Variants in DAB1 observed in about 807,000 individuals in gnomAD.
DAB1 encodes disabled homolog 1.
Under a neutral mutation model 64.6 loss-of-function variants are expected in DAB1, and 15 were observed. The observed-to-expected ratio is 0.23, with a 90% CI of 0.16 to 0.36. DAB1 has a LOEUF of 0.36. Among genes scored for constraint, DAB1 ranks in the 10% least tolerant of loss-of-function variants. The pLI is 1.00. For missense variants in DAB1, 596 were observed against 706.7 expected (o/e 0.84, Z 1.78); for synonymous variants, 235 against 251.9 (o/e 0.93, Z 0.64).
chr1:57,411,184 A>G (rs1684079658), intron 1 of DAB1, among the ~76,000 whole-genome samples: 1 of 152,218 alleles, frequency 6.6e-6, no homozygotes, highest in African/African-American at 2.4e-5. Context: ...GCTTCCTCAC[A>G]TAGTCAAAAA....
At chr1:58,172,530 T>C (rs930701859) in intron 4 of DAB1, among the ~76,000 whole-genome samples, 1 of 152,176 alleles carries the variant, frequency 6.6e-6, no homozygotes, top group East Asian at 1.9e-4. Flanking sequence ...CAAATACGTA[T>C]GTGTGTAGCC....
chr1:58,496,014 C>G (rs888712412), intron 3 of DAB1, among the ~76,000 whole-genome samples: 37 of 152,182 alleles, frequency 2.4e-4, no homozygotes, highest in African/African-American at 8.7e-4. Flanking sequence ...TGGGAATCTC[C>G]TAAAAACCCA....
chr1:57,045,923 C>T (rs530729418), intron 9 of DAB1, among the ~76,000 whole-genome samples: 9 of 152,244 alleles, frequency 5.9e-5, no homozygotes, highest in African/African-American at 1.9e-4. Flanking sequence ...GTGAATGTCA[C>T]CTTAATAGCA....
At chr1:57,956,511 C>T (rs189285237) in intron 5 of DAB1, among the ~76,000 whole-genome samples, 5 of 152,312 alleles carry the variant, frequency 3.3e-5, no homozygotes, top group South Asian at 2.1e-4. Context: ...CAGAAGGCCA[C>T]TTATGTATTT....
chr1:57,756,252 G>A (rs898799654), intron 6 of DAB1, among the ~76,000 whole-genome samples: 6 of 152,154 alleles, frequency 3.9e-5, no homozygotes, highest in African/African-American at 1.4e-4. Context: ...GTAGTATAGT[G>A]GGGGATGTAG....
intron 5 of DAB1, among the ~76,000 whole-genome samples, chr1:58,047,399 G>C (rs1647308547): frequency 6.6e-6 from 1 of 152,226 alleles, no homozygotes; most frequent in Non-Finnish European, 1.5e-5. Flanking sequence ...AGTGTGGTGT[G>C]AAGTGTGGCA....
intron 6 of DAB1, among the ~76,000 whole-genome samples, chr1:57,730,747 G>C (rs978948059): frequency 6.6e-6 from 1 of 152,182 alleles, no homozygotes; most frequent in Non-Finnish European, 1.5e-5. Flanking sequence ...TTGGTAGACA[G>C]ATAGATGAAT....
At chr1:57,096,574 C>T (rs1654187305) in intron 4 of DAB1, among the ~76,000 whole-genome samples, 1 of 152,150 alleles carries the variant, frequency 6.6e-6, no homozygotes, top group Non-Finnish European at 1.5e-5. Context: ...GGGTCTTGAA[C>T]TCACTGGGCC....
intron 10 of DAB1, among the ~76,000 whole-genome samples, chr1:57,023,889 G>A (rs540893326): frequency 3.0e-4 from 46 of 152,282 alleles, no homozygotes; most frequent in African/African-American, 1.1e-3. Flanking sequence ...TTTTAGCACC[G>A]TGCATAGGCA....
intron 2 of DAB1, among the ~76,000 whole-genome samples, chr1:57,183,724 G>A (rs762350804): frequency 1.2e-4 from 18 of 152,194 alleles, no homozygotes; most frequent in Non-Finnish European, 2.6e-4. Flanking sequence ...ATATGGGAAA[G>A]TAATTTTTAA....
At chr1:57,004,233 T>A (rs933613556) in intron 14 of DAB1, among the ~76,000 whole-genome samples, 1 of 152,214 alleles carries the variant, frequency 6.6e-6, no homozygotes. Context: ...CAGCCCCAGC[T>A]CTTTGGCATG....
chr1:58,262,970 G>GATGAAT (rs1661081907), intron 4 of DAB1, among the ~76,000 whole-genome samples: 1 of 152,138 alleles, frequency 6.6e-6, no homozygotes, highest in African/African-American at 2.4e-5. Flanking sequence ...GCCAACCTAT[G>GATGAAT]ATGAATATGT....
chr1:57,789,768 G>A (rs1414361503), intron 6 of DAB1, among the ~76,000 whole-genome samples: 1 of 152,224 alleles, frequency 6.6e-6, no homozygotes, highest in African/African-American at 2.4e-5. Flanking sequence ...ACTCCTATGG[G>A]TTGATGTAGC....
chr1:58,370,588 A>G (rs1009775193), intron 3 of DAB1, among the ~76,000 whole-genome samples: 9 of 152,206 alleles, frequency 5.9e-5, no homozygotes, highest in Admixed American at 2.0e-4. Context: ...CTATTCAGAT[A>G]TTATTTGTAT....
intron 5 of DAB1, among the ~76,000 whole-genome samples, chr1:58,128,891 T>C (rs1653323353): frequency 1.3e-5 from 2 of 149,882 alleles, no homozygotes; most frequent in South Asian, 4.3e-4. Flanking sequence ...GCATCAATGT[T>C]CATCAAGGAT....
At chr1:57,881,083 G>A (rs1452514043) in intron 1 of DAB1, among the ~76,000 whole-genome samples, 1 of 152,140 alleles carries the variant, frequency 6.6e-6, no homozygotes, top group Non-Finnish European at 1.5e-5. Flanking sequence ...CTGTAAAATG[G>A]CAGTAATGCT....
In DAB1 at chr1:57,384,828, C is replaced by T. The variant is rs562810885; in HGVS notation, c.-137+39102G>A. 2.6e-5 allele frequency among the ~76,000 whole-genome samples: 4 copies of T among 152,134 alleles called. 1 individual carries two copies. In the South Asian group the frequency reaches 8.3e-4, roughly 32 times the overall value. ...ATTGGTTGCACAACAATGTGAATAGCCAACACTATTGAACAACATACACTT... is the reference window on the plus strand; with the variant it reads ...ATTGGTTGCACAACAATGTGAATAGTCAACACTATTGAACAACATACACTT... On this transcript the variant is annotated intron_variant, in intron 1 of 14. Transcript: ENST00000371236.
chr1:58,268,705 AC>A (rs1661234658), intron 4 of DAB1, among the ~76,000 whole-genome samples: 1 of 152,228 alleles, frequency 6.6e-6, no homozygotes, highest in Non-Finnish European at 1.5e-5. Flanking sequence ...AGAGCAACCT[AC>A]AGATTTAATT....
intron 3 of DAB1, among the ~76,000 whole-genome samples, chr1:58,461,653 G>A (rs1281869780): frequency 6.6e-6 from 1 of 152,192 alleles, no homozygotes; most frequent in East Asian, 1.9e-4. Context: ...CAAAGGATAT[G>A]GAGCCAGCAA....
Sources: allele counts gnomAD v4.1 joint callset (sites outside exome capture counted in the v4.1 genomes callset), GRCh38; gene constraint gnomAD v4.1.1; transcripts MANE v1.5; gene names NCBI Gene and HGNC (gene_info 2026-07-23, HGNC 2026-07-21).